The following WDFY4 variants were observed in gnomAD, a reference collection of about 807,000 sequenced individuals.
WDFY4 encodes the protein WD repeat- and FYVE domain-containing protein 4.
A neutral mutation model predicts 351.9 loss-of-function variants in WDFY4; 169 were observed. The observed-to-expected ratio is 0.48, with a 90% CI of 0.42 to 0.55. WDFY4 has a LOEUF of 0.55. WDFY4 is among the 20% of genes least tolerant of loss of function. The pLI is 0.00. For synonymous variants in WDFY4, 1,622 were observed against 1,574.6 expected, an observed-to-expected ratio of 1.03 and a Z score of -0.71; for missense variants, 3,803 against 3,935.6, an observed-to-expected ratio of 0.97 and a Z score of 0.90.
At chr10:48,898,059 C>T (rs1837176796) in intron 45 of WDFY4, among the ~76,000 whole-genome samples, 1 of 152,066 alleles carries the variant, frequency 6.6e-6, no homozygotes, top group Non-Finnish European at 1.5e-5. Context: ...TTTCTGGGGC[C>T]AAGTGGTTTA....
intron 56 of WDFY4, 58 bp downstream of exon 56, chr10:48,969,306 A>G (rs931108454): frequency 6.5e-7 from 1 of 1,533,800 alleles, no homozygotes; most frequent in Non-Finnish European, 8.8e-7. Flanking sequence ...CTCCAGCTGG[A>G]GGCAGAGATG....
intron 51 of WDFY4, among the ~76,000 whole-genome samples, chr10:48,955,567 C>T (rs969072782): frequency 6.6e-6 from 1 of 152,162 alleles, no homozygotes; most frequent in South Asian, 2.1e-4. Flanking sequence ...GGAGTTGCAT[C>T]CATGGGTTTG....
intron 39 of WDFY4, among the ~76,000 whole-genome samples, chr10:48,855,583 A>C (rs1433409536): frequency 6.6e-6 from 1 of 152,114 alleles, no homozygotes; most frequent in Non-Finnish European, 1.5e-5. Flanking sequence ...GCTTTGGCTT[A>C]TGTATATTTT....
intron 43 of WDFY4, among the ~76,000 whole-genome samples, chr10:48,883,304 G>T (rs1163488347): frequency 2.0e-5 from 3 of 152,228 alleles, no homozygotes. Context: ...GTCAAGGACA[G>T]GAACTTGAGG....
At chr10:48,735,697 T>A (rs1159917539) in intron 10 of WDFY4, among the ~76,000 whole-genome samples, 183 bp from the exon 11 acceptor site, 1 of 152,232 alleles carries the variant, frequency 6.6e-6, no homozygotes, top group Non-Finnish European at 1.5e-5. Context: ...CACAGTTTCT[T>A]TTTTCTGCTT....
chr10:48,957,891 C>T (rs964532626), intron 52 of WDFY4, among the ~76,000 whole-genome samples: 7 of 152,182 alleles, frequency 4.6e-5, no homozygotes, highest in Admixed American at 6.5e-5. Flanking sequence ...TTGTATGTCT[C>T]GGAGCTTCCA....
chr10:48,778,514 T>C (rs1428198592), intron 17 of WDFY4, 97 bp from the exon 18 acceptor site: 3 of 1,227,984 alleles, frequency 2.4e-6, no homozygotes, highest in Non-Finnish European at 2.3e-6. Context: ...ACCCAGTAGG[T>C]GCTGCACCTG....
At chr10:48,851,860 G>T (rs1313642181) in intron 39 of WDFY4, among the ~76,000 whole-genome samples, 1 of 152,220 alleles carries the variant, frequency 6.6e-6, no homozygotes, top group African/African-American at 2.4e-5. Flanking sequence ...CCCATTCCAA[G>T]TTCTGACTTG....
intron 39 of WDFY4, among the ~76,000 whole-genome samples, chr10:48,856,841 A>T (rs568191859): frequency 6.6e-6 from 1 of 152,206 alleles, no homozygotes; most frequent in South Asian, 2.1e-4. Context: ...ATATAGAAAA[A>T]TTATGCTGAA....
intron 47 of WDFY4, among the ~76,000 whole-genome samples, chr10:48,918,481 AC>A (rs1838753700): frequency 6.6e-6 from 1 of 152,218 alleles, no homozygotes; most frequent in East Asian, 1.9e-4. Context: ...AGGAAGTAAG[AC>A]CATTACTTAT....
chr10:48,880,376 T>C (rs553198384), intron 43 of WDFY4, among the ~76,000 whole-genome samples: 2 of 152,314 alleles, frequency 1.3e-5, no homozygotes, highest in South Asian at 4.1e-4. Flanking sequence ...CCCAGGTGAC[T>C]GACTTTCCAG....
intron 30 of WDFY4, among the ~76,000 whole-genome samples, chr10:48,812,496 C>T (rs575921604): frequency 1.3e-5 from 2 of 152,024 alleles, no homozygotes; most frequent in Non-Finnish European, 2.9e-5. Flanking sequence ...GGCCCCCTTT[C>T]TTCCTTTTGT....
intron 20 of WDFY4, among the ~76,000 whole-genome samples, chr10:48,787,249 G>A (rs1280501643): frequency 1.3e-5 from 2 of 152,180 alleles, no homozygotes; most frequent in African/African-American, 2.4e-5. Context: ...ATTATTGATT[G>A]TTGTTATTCA....
rs574417561 is a variant in WDFY4, at chr10:48,923,680, C to A, written c.7587-18126C>A. The stretch of plus-strand genomic sequence containing the variant: ...TATTGAGTGCCTACCATTTATCAAC[C>A]CTCTGAGCAACACAGATAAACAGTA... On this transcript the variant is annotated intron_variant, in intron 47 of 61. Coordinates refer to ENST00000325239, the MANE Select transcript of WDFY4 (RefSeq NM_001394531.1). Among the ~76,000 whole-genome samples the A allele has an allele frequency of 2.6e-5, 4 of 151,846 alleles. No homozygotes were observed. In the South Asian group the frequency reaches 6.3e-4, roughly 24 times the overall value.
At chr10:48,897,059 G>A (rs983956527) in intron 44 of WDFY4, among the ~76,000 whole-genome samples, 6 of 152,076 alleles carry the variant, frequency 3.9e-5, no homozygotes. Context: ...TTACAGTCAC[G>A]CACAGGACCC....
At chr10:48,786,561 C>A in intron 19 of WDFY4, 78 bp from the exon 20 acceptor site, 2 of 1,076,714 alleles carry the variant, frequency 1.9e-6, no homozygotes, top group Non-Finnish European at 1.3e-6. Flanking sequence ...TAAGATGCAT[C>A]ATGTTATATC....
chr10:48,785,074 A>G (rs2066360239), intron 19 of WDFY4, among the ~76,000 whole-genome samples: 2 of 151,128 alleles, frequency 1.3e-5, no homozygotes, highest in Admixed American at 6.6e-5. Flanking sequence ...GTTAGCCAGG[A>G]TGGTCTCGAT....
chr10:48,876,461 G>C lies in WDFY4; in HGVS notation c.7001-572G>C, dbSNP rs1193215156. On this transcript the variant is annotated intron_variant, in intron 42 of 61. Transcript: ENST00000325239. The stretch of plus-strand genomic sequence containing the variant: ...AGGATGAAATAGTATCTCCAACCAA[G>C]ATGGGACAACATTTTAAAATGTCAT... Among the ~76,000 whole-genome samples, 3 of 152,162 alleles carry C rather than the reference G, an allele frequency of 2.0e-5. No homozygotes were observed. In the East Asian group the frequency reaches 5.8e-4, roughly 29 times the overall value.
chr10:48,728,261 T>C (rs2064334862), intron 7 of WDFY4, among the ~76,000 whole-genome samples: 1 of 152,196 alleles, frequency 6.6e-6, no homozygotes, highest in Non-Finnish European at 1.5e-5. Context: ...TCTCAAATCC[T>C]TGAAACATGG....
Sources: allele counts gnomAD v4.1 joint callset (sites outside exome capture counted in the v4.1 genomes callset), GRCh38; gene constraint gnomAD v4.1.1; transcripts MANE v1.5; gene names NCBI Gene and HGNC (gene_info 2026-07-23, HGNC 2026-07-21).